The following LSM14A variants were observed in gnomAD, a reference collection of about 807,000 sequenced individuals.
LSM14A encodes protein LSM14 homolog A.
A neutral mutation model predicts 52.4 loss-of-function variants in LSM14A; 14 were observed. The ratio of observed to expected loss-of-function variants is 0.27; its 90% confidence interval spans 0.18 to 0.42. The LOEUF (loss-of-function observed/expected upper bound fraction) is 0.42. LSM14A is among the 10% of genes least tolerant of loss of function. LSM14A has a pLI of 1.00. For synonymous variants in LSM14A, 185 were observed against 200.3 expected (o/e 0.92, Z 0.64); for missense variants, 417 against 581.8 (o/e 0.72, Z 2.91).
chr19:34,218,339 T>G (rs1001042084), intron 6 of LSM14A, among the ~76,000 whole-genome samples: 17 of 152,108 alleles, frequency 1.1e-4, no homozygotes, highest in Non-Finnish European at 2.4e-4. Context: ...AGGATCATGG[T>G]GTAATTCTGG....
chr19:34,225,097 T>C (rs1166384623), intron 9 of LSM14A, among the ~76,000 whole-genome samples: 1 of 152,242 alleles, frequency 6.6e-6, no homozygotes, highest in African/African-American at 2.4e-5. Context: ...ACCTCTTGGC[T>C]TTAGTGAATA....
Position 34,221,695 on chromosome 19 carries a change from G to A in LSM14A, c.1325G>A (p.Arg442Lys). The stretch of plus-strand genomic sequence containing the variant: ...CCTCGAGGATTTCGCGGTGGATTCA[G>A]AGGAGGTCGTGGGGGCCGGGAGTTT... ...TAPRGFRGGF[R>K]GGRGGREFAD... Residue 442 changes from arginine to lysine, a missense_variant, in exon 9 of 10, where the codon AGA becomes AAA. This residue lies in a region of LSM14A where 357 missense variants were observed against 457.0 expected (regional missense o/e 0.78). Transcript: ENST00000544216. 3.1e-6 allele frequency: 5 copies of A among 1,614,116 alleles called. No individual in the cohort carries two copies. Among genetic ancestry groups the A allele is most frequent in the Non-Finnish European group, 4.2e-6 (5 of 1,179,972 alleles).
intron 1 of LSM14A, among the ~76,000 whole-genome samples, chr19:34,177,663 G>C (rs543169079): frequency 4.6e-5 from 7 of 152,114 alleles, no homozygotes; most frequent in Non-Finnish European, 7.3e-5. Flanking sequence ...CAAGGCCGGG[G>C]TATTGCTTGA....
intron 3 of LSM14A, among the ~76,000 whole-genome samples, chr19:34,198,349 G>T (rs2071029608): frequency 6.6e-6 from 1 of 152,224 alleles, no homozygotes; most frequent in Non-Finnish European, 1.5e-5. Context: ...GGGCGCGGTG[G>T]CTCACGCCTG....
At chr19:34,221,350 G>C (rs918995215) in intron 8 of LSM14A, 157 bp from the exon 9 acceptor site, 18 of 827,192 alleles carry the variant, frequency 2.2e-5, no homozygotes, top group Non-Finnish European at 2.8e-5. Context: ...CCAAAGTGCT[G>C]GGATTACAGG....
intron 1 of LSM14A, among the ~76,000 whole-genome samples, chr19:34,192,385 G>A (rs1369112390): frequency 7.4e-6 from 1 of 135,300 alleles, no homozygotes; most frequent in Non-Finnish European, 1.6e-5. Context: ...GAGTGCAGGA[G>A]CGCCATCTTG....
intron 1 of LSM14A, among the ~76,000 whole-genome samples, chr19:34,185,026 C>T (rs2069786477): frequency 6.6e-6 from 1 of 152,054 alleles, no homozygotes; most frequent in Non-Finnish European, 1.5e-5. Flanking sequence ...TTCTAAGGAG[C>T]CAGTATTGTT....
intron 1 of LSM14A, among the ~76,000 whole-genome samples, chr19:34,181,100 A>G (rs1421820100): frequency 1.3e-5 from 2 of 152,106 alleles, no homozygotes; most frequent in Admixed American, 6.5e-5. Flanking sequence ...TTTTCTGATC[A>G]ATATGGATAA....
chr19:34,192,319 G>GT (rs71165632), intron 1 of LSM14A, among the ~76,000 whole-genome samples: 7,656 of 53,328 alleles, frequency 0.14, 999 homozygotes, highest in East Asian at 0.58. Context: ...TCTTTTTGTT[G>GT]TTTTTTTTTT....
At chr19:34,192,967 A>G (rs185851687) in intron 1 of LSM14A, among the ~76,000 whole-genome samples, 1 of 152,208 alleles carries the variant, frequency 6.6e-6, no homozygotes, top group East Asian at 1.9e-4. Context: ...CAACAGAATG[A>G]AACTCCATCT....
At chr19:34,177,981 C>T (rs558962915) in intron 1 of LSM14A, among the ~76,000 whole-genome samples, 5 of 152,006 alleles carry the variant, frequency 3.3e-5, no homozygotes, top group East Asian at 3.9e-4. Context: ...GCCAACATGG[C>T]GAAACCCCGT....
intron 3 of LSM14A, among the ~76,000 whole-genome samples, chr19:34,206,780 G>A (rs1273283041): frequency 6.6e-6 from 1 of 152,150 alleles, no homozygotes; most frequent in East Asian, 1.9e-4. Flanking sequence ...ATCGTTACAA[G>A]AAAATTATAG....
At chr19:34,220,382 C>T (rs1199203537) in intron 8 of LSM14A, among the ~76,000 whole-genome samples, 3 of 152,256 alleles carry the variant, frequency 2.0e-5, no homozygotes, top group African/African-American at 7.2e-5. Flanking sequence ...TGAATATTAG[C>T]AATTAAAACA....
intron 1 of LSM14A, among the ~76,000 whole-genome samples, chr19:34,186,397 C>T (rs1460301130): frequency 1.3e-5 from 2 of 152,258 alleles, no homozygotes; most frequent in Middle Eastern, 3.4e-3. Flanking sequence ...TGAGTAGCCT[C>T]CATCTGTGGG....
Position 34,227,987 on chromosome 19 carries a change from T to G in LSM14A, c.*599T>G, listed in dbSNP as rs1394593725. 2 of 152,608 alleles carry G rather than the reference T, an allele frequency of 1.3e-5. No homozygotes were observed. The highest frequency in any genetic ancestry group is 2.9e-5 in the Non-Finnish European group (2 of 68,030). The allele number at this position is 152,608 out of a possible 1,614,324, so 9.5% of individuals were successfully genotyped here. On this transcript the variant is annotated 3_prime_UTR_variant, in exon 10 of 10. Coordinates refer to ENST00000544216, the MANE Select transcript of LSM14A (RefSeq NM_015578.4). The stretch of plus-strand genomic sequence containing the variant: ...CTTAGGCAAAGGTAACTTTTTTATA[T>G]AGTTGTAAAATTCCATTATATTCCA...
intron 3 of LSM14A, among the ~76,000 whole-genome samples, chr19:34,198,768 C>T (rs370406774): frequency 5.3e-5 from 8 of 152,188 alleles, no homozygotes; most frequent in East Asian, 3.9e-4. Context: ...GTGTGGATCA[C>T]GAGGTCAGGA....
chr19:34,214,809 G>T (rs1386462661), intron 4 of LSM14A, among the ~76,000 whole-genome samples: 1 of 144,214 alleles, frequency 6.9e-6, no homozygotes, highest in Non-Finnish European at 1.5e-5. Flanking sequence ...TCTCGTACCT[G>T]GCAGCAATTT....
chr19:34,226,279 A>G, intron 9 of LSM14A: 2 of 978,156 alleles, frequency 2.0e-6, no homozygotes, highest in East Asian at 2.8e-5. Context: ...ATGGGGTTCA[A>G]AGACAACAAG....
At chr19:34,218,776 T>C (rs1278664551) in intron 6 of LSM14A, among the ~76,000 whole-genome samples, 1 of 152,178 alleles carries the variant, frequency 6.6e-6, no homozygotes, top group Non-Finnish European at 1.5e-5. Flanking sequence ...AATGTGTAGA[T>C]ACAGGAAGGC....
Sources: allele counts gnomAD v4.1 joint callset (sites outside exome capture counted in the v4.1 genomes callset), GRCh38; gene constraint gnomAD v4.1.1; regional missense constraint gnomAD v4.1.1; transcripts MANE v1.5; gene names NCBI Gene and HGNC (gene_info 2026-07-23, HGNC 2026-07-21).